The following RABGEF1 variants were observed in gnomAD, a reference collection of about 807,000 sequenced individuals.
RABGEF1 encodes the protein rab5 GDP/GTP exchange factor.
Under a neutral mutation model 57.3 loss-of-function variants are expected in RABGEF1, and 26 were observed. The observed-to-expected ratio is 0.45, with a 90% CI of 0.33 to 0.63. RABGEF1 has a LOEUF of 0.63. Ranked by LOEUF, RABGEF1 falls within the 20% of genes least tolerant of loss-of-function variation. The pLI is 0.02. For synonymous variants in RABGEF1, 185 were observed against 210.7 expected, an observed-to-expected ratio of 0.88 and a Z score of 1.06; for missense variants, 464 against 607.6, an observed-to-expected ratio of 0.76 and a Z score of 2.48.
intron 1 of RABGEF1, 134 bp from the exon 2 acceptor site, chr7:66,771,749 C>T (rs1807204245): frequency 2.0e-5 from 10 of 504,868 alleles, no homozygotes. Context: ...CTTTCTCCCT[C>T]CCTCCTTCAT....
chr7:66,772,207 A>T, intron 2 of RABGEF1, 129 bp downstream of exon 2: 1 of 667,626 alleles, frequency 1.5e-6, no homozygotes, highest in Non-Finnish European at 2.2e-6. Context: ...AAGGAAAAGG[A>T]TGTTTTCCTC....
the RABGEF1 span, among the ~76,000 whole-genome samples, chr7:66,658,628 C>G: frequency 1.3e-5 from 2 of 151,888 alleles, no homozygotes; most frequent in Non-Finnish European, 2.9e-5. Context: ...CACAGAAATA[C>G]CCTTGACTGG....
chr7:66,671,577 A>T, the RABGEF1 span, among the ~76,000 whole-genome samples: 1 of 152,184 alleles, frequency 6.6e-6, no homozygotes, highest in Non-Finnish European at 1.5e-5. Flanking sequence ...GTTCTCCTTT[A>T]ATTTTGCCAA....
chr7:66,787,336 A>ATTT (rs973607816), intron 4 of RABGEF1, among the ~76,000 whole-genome samples: 9 of 88,118 alleles, frequency 1.0e-4, no homozygotes, highest in East Asian at 3.2e-4. Flanking sequence ...GCCTGGCCTG[A>ATTT]TTTTTTTTTT....
intron 2 of RABGEF1, among the ~76,000 whole-genome samples, chr7:66,723,320 C>T (rs1258155643): frequency 6.6e-6 from 1 of 152,052 alleles, no homozygotes; most frequent in African/African-American, 2.4e-5. Context: ...TTTTGTTTGC[C>T]ATTTTGTCAC....
At chr7:66,753,331 C>T (rs1801871102) in intron 1 of RABGEF1, among the ~76,000 whole-genome samples, 1 of 152,156 alleles carries the variant, frequency 6.6e-6, no homozygotes, top group African/African-American at 2.4e-5. Flanking sequence ...ACAGGTGTTG[C>T]TGTGAACCCA....
At chr7:66,750,630 AAATAT>A (rs1801196608) in intron 1 of RABGEF1, among the ~76,000 whole-genome samples, 1 of 152,232 alleles carries the variant, frequency 6.6e-6, no homozygotes, top group Non-Finnish European at 1.5e-5. Context: ...TGGTACATTT[AAATAT>A]AATATACACA....
chr7:66,758,016 C>G (rs571806116), intron 1 of RABGEF1, among the ~76,000 whole-genome samples: 2 of 151,984 alleles, frequency 1.3e-5, no homozygotes, highest in Non-Finnish European at 2.9e-5. Flanking sequence ...AAAAATCACC[C>G]GTAAGTTTTA....
At chr7:66,744,667 CA>C (rs774941950) in intron 1 of RABGEF1, among the ~76,000 whole-genome samples, 11,549 of 71,036 alleles carry the variant, frequency 0.16, 489 homozygotes, top group East Asian at 0.23. Context: ...GACTCCGTCT[CA>C]AAAAAAAAAA....
intron 4 of RABGEF1, among the ~76,000 whole-genome samples, chr7:66,784,674 A>G (rs1252548182): frequency 6.6e-6 from 1 of 152,234 alleles, no homozygotes; most frequent in East Asian, 1.9e-4. Flanking sequence ...CACTAGGCTA[A>G]TAAGCAGTGG....
chr7:66,759,389 C>A (rs1366956593), intron 1 of RABGEF1, among the ~76,000 whole-genome samples: 1 of 152,170 alleles, frequency 6.6e-6, no homozygotes, highest in South Asian at 2.1e-4. Flanking sequence ...CTTCCCCAGC[C>A]GTAAACTCTA....
intron 1 of RABGEF1, among the ~76,000 whole-genome samples, chr7:66,749,611 T>C (rs1206829594): frequency 6.6e-6 from 1 of 152,024 alleles, no homozygotes; most frequent in Non-Finnish European, 1.5e-5. Flanking sequence ...TGCAGTGCAC[T>C]ATGATTGTGT....
chr7:66,748,357 C>T (rs1800706556), intron 1 of RABGEF1, among the ~76,000 whole-genome samples: 1 of 152,158 alleles, frequency 6.6e-6, no homozygotes, highest in South Asian at 2.1e-4. Context: ...TCTTCACCTA[C>T]CTTCCATACT....
At chr7:66,782,284 A>G (rs1810103817) in intron 3 of RABGEF1, among the ~76,000 whole-genome samples, 1 of 152,150 alleles carries the variant, frequency 6.6e-6, no homozygotes, top group Non-Finnish European at 1.5e-5. Flanking sequence ...TTTCCTTTCT[A>G]GTTTGTCTCT....
At chr7:66,658,293 G>T in the RABGEF1 span, among the ~76,000 whole-genome samples, 1 of 152,142 alleles carries the variant, frequency 6.6e-6, no homozygotes, top group African/African-American at 2.4e-5. Context: ...AGCACTTTGG[G>T]AGGCCAAGGT....
chr7:66,735,596 T>G (rs1378103723), intron 2 of RABGEF1, among the ~76,000 whole-genome samples: 2 of 152,034 alleles, frequency 1.3e-5, no homozygotes, highest in African/African-American at 2.4e-5. Flanking sequence ...AGGATCATTG[T>G]GGGGGGGGTT....
intron 4 of RABGEF1, among the ~76,000 whole-genome samples, chr7:66,787,342 T>A (rs2129149096): frequency 7.1e-6 from 1 of 141,824 alleles, no homozygotes; most frequent in Non-Finnish European, 1.5e-5. Context: ...CCTGATTTTT[T>A]TTTTTTTTTT....
At position 66,783,655 on chromosome 7, in the gene RABGEF1, A is replaced by G. The variant is rs1459867719; in HGVS notation, c.347-20A>G. The G allele has an allele frequency of 1.3e-6, 2 of 1,588,142 alleles. No homozygotes were observed. The highest frequency in any genetic ancestry group is 1.4e-5 in the African/African-American group (1 of 74,064). On this transcript the variant is annotated intron_variant, in intron 3 of 8. Transcript: ENST00000284957. ...GATCTTTTATGTCATGAAACTTACTATGTTTAATTTTCCCAGCAGAAATTC... is the reference window on the plus strand; with the variant it reads ...GATCTTTTATGTCATGAAACTTACTGTGTTTAATTTTCCCAGCAGAAATTC...
intron 1 of RABGEF1, among the ~76,000 whole-genome samples, chr7:66,765,426 T>C (rs1247457497): frequency 3.9e-5 from 6 of 152,102 alleles, no homozygotes; most frequent in Middle Eastern, 3.4e-3. Flanking sequence ...TTAAAGAGCA[T>C]CTGTACAAGT....
Sources: gnomAD v4.1 joint callset for allele counts (sites outside exome capture counted in the v4.1 genomes callset) on GRCh38, gnomAD v4.1.1 for gene constraint, MANE v1.5 for transcripts, NCBI Gene and HGNC (gene_info 2026-07-23, HGNC 2026-07-21) for gene names.